Variants in DUSP11 observed in about 807,000 individuals in gnomAD.
DUSP11 encodes the protein RNA/RNP complex-1-interacting phosphatase.
In DUSP11, 27 loss-of-function variants were observed where a neutral mutation model predicts 41.4. The observed-to-expected ratio is 0.65, with a 90% CI of 0.48 to 0.90. The LOEUF (loss-of-function observed/expected upper bound fraction) is 0.90, where lower values mean the gene tolerates loss of function less well. Ranked by LOEUF, DUSP11 falls within the 40% of genes least tolerant of loss-of-function variation. DUSP11 has a pLI of 0.00. For synonymous variants in DUSP11, 188 were observed against 159.3 expected (o/e 1.18, Z -1.35); for missense variants, 465 against 461.1 (o/e 1.01, Z -0.08).
At chr2:73,764,531 ATATC>A (rs1256252746) in intron 8 of DUSP11, among the ~76,000 whole-genome samples, 2 of 152,230 alleles carry the variant, frequency 1.3e-5, no homozygotes, top group Admixed American at 6.5e-5. Flanking sequence ...TATTATTAAA[ATATC>A]TATCTGACTA....
At chr2:73,780,100 T>A in exon 1 of DUSP11, 1 of 1,563,096 alleles carries the variant, frequency 6.4e-7, no homozygotes, top group Non-Finnish European at 8.7e-7. Context: ...CGCTCCAGCG[T>A]CTCGCTATTG....
At chr2:73,762,559 G>T in exon 9 of DUSP11, 1 of 834,724 alleles carries the variant, frequency 1.2e-6, no homozygotes, top group Non-Finnish European at 1.8e-6. Flanking sequence ...ATACATAAGG[G>T]AACAATAAAG....
chr2:73,776,785 C>A (rs1189734928), intron 2 of DUSP11, among the ~76,000 whole-genome samples: 2 of 152,196 alleles, frequency 1.3e-5, no homozygotes, highest in East Asian at 3.8e-4. Flanking sequence ...ATGTAACCAT[C>A]TATTCTCTGA....
At position 73,766,626 on chromosome 2, in the gene DUSP11, T is replaced by C. The variant is rs187369281; in HGVS notation, c.759-32A>G. 3.3e-3 allele frequency: 5,224 copies of C among 1,574,912 alleles called. 11 individuals carry two copies. Among genetic ancestry groups the C allele is most frequent in the Non-Finnish European group, 4.2e-3 (4,859 of 1,162,224 alleles). Reference sequence around the variant, plus strand: ...GAGAATATTTTCCACACAATATTACTGGTTTCCAAATTTAGTAGTCAATTT... The same window carrying C: ...GAGAATATTTTCCACACAATATTACCGGTTTCCAAATTTAGTAGTCAATTT... On this transcript the variant is annotated intron_variant, in intron 7 of 8. Coordinates refer to ENST00000272444, the Ensembl canonical transcript of DUSP11.
intron 8 of DUSP11, among the ~76,000 whole-genome samples, chr2:73,764,034 A>G (rs1442291881): frequency 6.6e-6 from 1 of 152,236 alleles, no homozygotes; most frequent in East Asian, 1.9e-4. Flanking sequence ...TGCAAAACAT[A>G]TACTACTGTA....
At chr2:73,765,025 T>C (rs1396209637) in intron 8 of DUSP11, among the ~76,000 whole-genome samples, 1 of 152,128 alleles carries the variant, frequency 6.6e-6, no homozygotes, top group Non-Finnish European at 1.5e-5. Flanking sequence ...AGCTTGCTAT[T>C]TGTGATAGTT....
chr2:73,777,274 G>A (rs1354998007), intron 2 of DUSP11, among the ~76,000 whole-genome samples: 1 of 152,046 alleles, frequency 6.6e-6, no homozygotes, highest in Non-Finnish European at 1.5e-5. Context: ...AACAGGCCTG[G>A]CCTGAAATGA....
At chr2:73,773,352 A>G (rs2103942517) in intron 4 of DUSP11, 1 of 219,092 alleles carries the variant, frequency 4.6e-6, no homozygotes, top group Admixed American at 5.5e-5. Context: ...TCTTAAATAC[A>G]TATGACAAAG....
chr2:73,772,770 C>G (rs1672611120), intron 4 of DUSP11, among the ~76,000 whole-genome samples: 1 of 152,208 alleles, frequency 6.6e-6, no homozygotes, highest in Admixed American at 6.5e-5. Context: ...AAGCTAGTGT[C>G]CACATTAAGT....
At chr2:73,762,674 T>A (rs745687382) in exon 9 of DUSP11, 1 of 1,611,940 alleles carries the variant, frequency 6.2e-7, no homozygotes, top group Admixed American at 1.7e-5. Flanking sequence ...CTGGGTCCAT[T>A]CCCAACAGGC....
At chr2:73,768,411 T>C (rs549029671) in intron 5 of DUSP11, 890 of 975,414 alleles carry the variant, frequency 9.1e-4, no homozygotes, top group Non-Finnish European at 1.1e-3. Flanking sequence ...TTACACATAA[T>C]AGATGCTCAG....
At chr2:73,778,473 C>T in intron 1 of DUSP11, 97 bp from the exon 2 acceptor site, 1 of 683,988 alleles carries the variant, frequency 1.5e-6, no homozygotes, top group Non-Finnish European at 2.3e-6. Context: ...GCCCGCACAA[C>T]ATGTCCTCTC....
chr2:73,769,250 G>T lies in DUSP11; in HGVS notation c.635+15C>A. On this transcript the variant is annotated intron_variant, in intron 5 of 8. Transcript: ENST00000272444. Reference sequence around the variant, plus strand: ...AACAATTTAAAATGGTCTGCCTCTGGGGTTGGCAACTTACCTGCAAATGAG... The same window carrying T: ...AACAATTTAAAATGGTCTGCCTCTGTGGTTGGCAACTTACCTGCAAATGAG... 1 of 1,608,398 alleles carries T rather than the reference G, an allele frequency of 6.2e-7. No individual in the cohort carries two copies.
At chr2:73,778,245 T>C (rs1352064852) in intron 2 of DUSP11, 56 bp downstream of exon 2, 10 of 1,142,096 alleles carry the variant, frequency 8.8e-6, no homozygotes, top group African/African-American at 1.6e-5. Flanking sequence ...TGGAGAGCAG[T>C]GTTCTGCATG....
At chr2:73,779,995 C>A (rs928235523) in exon 1 of DUSP11, 3 of 1,614,122 alleles carry the variant, frequency 1.9e-6, no homozygotes, top group Non-Finnish European at 2.5e-6. Flanking sequence ...AGAAGCCGCC[C>A]ACCCAATGCC....
intron 4 of DUSP11, among the ~76,000 whole-genome samples, chr2:73,771,445 A>G (rs1400258272): frequency 6.6e-6 from 1 of 150,848 alleles, no homozygotes; most frequent in African/African-American, 2.4e-5. Context: ...TCTCTCCTCT[A>G]TATTCTCACT....
intron 5 of DUSP11, chr2:73,768,947 C>T (rs1244657246): frequency 8.2e-5 from 15 of 183,076 alleles, no homozygotes; most frequent in Non-Finnish European, 1.2e-4. Flanking sequence ...CAGAGCAAGA[C>T]TCCGTCTCAA....
intron 4 of DUSP11, among the ~76,000 whole-genome samples, chr2:73,772,715 T>C (rs1414666993): frequency 1.3e-5 from 2 of 152,146 alleles, no homozygotes; most frequent in African/African-American, 4.8e-5. Flanking sequence ...AGTTTTAAAG[T>C]TAAAGTACAG....
At chr2:73,769,134 C>T in intron 5 of DUSP11, 131 bp downstream of exon 5, 1 of 673,494 alleles carries the variant, frequency 1.5e-6, no homozygotes, top group Non-Finnish European at 2.6e-6. Flanking sequence ...GTGGTAATCT[C>T]TGGGTGGGGA....
Sources: gnomAD v4.1 joint callset for allele counts (sites outside exome capture counted in the v4.1 genomes callset) on GRCh38, gnomAD v4.1.1 for gene constraint, MANE v1.5 for transcripts, NCBI Gene and HGNC (gene_info 2026-07-23, HGNC 2026-07-21) for gene names.